PTPN14: variants seen among roughly 807,000 people sequenced by gnomAD.
PTPN14 encodes tyrosine-protein phosphatase non-receptor type 14.
PTPN14 carries 53 observed loss-of-function variants against 126.8 expected under a neutral mutation model. That is an observed-to-expected ratio of 0.42 (90% CI 0.34 to 0.53). The LOEUF (loss-of-function observed/expected upper bound fraction) is 0.53. Among genes scored for constraint, PTPN14 ranks in the 20% least tolerant of loss-of-function variants. PTPN14 has a pLI of 0.08. For missense variants in PTPN14, 1,257 were observed against 1,552.9 expected, an observed-to-expected ratio of 0.81 and a Z score of 3.20; for synonymous variants, 630 against 599.3, an observed-to-expected ratio of 1.05 and a Z score of -0.75.
At position 214,384,892 on chromosome 1, in the gene PTPN14, A is replaced by T; in HGVS notation, c.1067-104T>A. ...GACTTTTAATTTAAACAAATCATAA[A>T]AAGTGAAATCCCATGGTCTCCACCC... is the stretch of plus-strand genomic sequence containing the variant. On this transcript the variant is annotated intron_variant, in intron 12 of 18. Transcript: ENST00000366956. This position sits in a 1 kb window ranked among gnomAD's most constrained non-coding sequence, Gnocchi z 5.3. 7.3e-7 allele frequency: 1 copy of T among 1,365,652 alleles called. No homozygotes were observed. Among genetic ancestry groups the T allele is most frequent in the South Asian group, 1.4e-5 (1 of 70,824 alleles). The allele number at this position is 1,365,652 out of a possible 1,614,324, so 84.6% of individuals were successfully genotyped here. A position where few individuals can be genotyped will look rare whatever the true frequency, so the allele number is the denominator to read the frequency against.
chr1:214,393,664 T>A, intron 10 of PTPN14, 31 bp downstream of exon 10: 7 of 1,397,584 alleles, frequency 5.0e-6, no homozygotes, highest in Non-Finnish European at 6.8e-6. Context: ...GACAAAGCCA[T>A]CAAGTCGGGG....
chr1:214,377,848 G>A, intron 14 of PTPN14, 111 bp downstream of exon 14: 17 of 1,299,662 alleles, frequency 1.3e-5, no homozygotes, highest in Non-Finnish European at 1.8e-5. Flanking sequence ...ATCTCAGATT[G>A]AAGAAAGAAT....
intron 1 of PTPN14, among the ~76,000 whole-genome samples, chr1:214,487,633 CAAA>C (rs11292597): frequency 2.2e-5 from 3 of 137,412 alleles, no homozygotes; most frequent in Non-Finnish European, 1.6e-5. Context: ...GACTCCGTCT[CAAA>C]AAAAAAAAAA....
At chr1:214,549,619 C>T (rs1026088477) in intron 1 of PTPN14, among the ~76,000 whole-genome samples, 2 of 152,150 alleles carry the variant, frequency 1.3e-5, no homozygotes, top group Admixed American at 6.5e-5. Flanking sequence ...CGTAATGCTG[C>T]GGTATTACCA....
At chr1:214,395,820 C>A (rs536830551) in intron 8 of PTPN14, among the ~76,000 whole-genome samples, 1 of 152,060 alleles carries the variant, frequency 6.6e-6, no homozygotes, top group Non-Finnish European at 1.5e-5. Flanking sequence ...TCATATGATG[C>A]GTCTGCTCAT....
chr1:214,359,109 C>A (rs1398413134), intron 18 of PTPN14, among the ~76,000 whole-genome samples: 1 of 152,010 alleles, frequency 6.6e-6, no homozygotes, highest in African/African-American at 2.4e-5. Flanking sequence ...GGACTGTGGT[C>A]ATGATCAAGT....
intron 17 of PTPN14, among the ~76,000 whole-genome samples, chr1:214,368,968 C>A (rs3002312): frequency 6.6e-6 from 1 of 152,028 alleles, no homozygotes; most frequent in Non-Finnish European, 1.5e-5. Context: ...GGTGACAGAG[C>A]GAGACTCCGC....
At chr1:214,499,229 T>C (rs1055450131) in intron 1 of PTPN14, among the ~76,000 whole-genome samples, 1 of 152,106 alleles carries the variant, frequency 6.6e-6, no homozygotes, top group African/African-American at 2.4e-5. Context: ...ACAGAGAGGT[T>C]ATGTGGACAG....
intron 5 of PTPN14, among the ~76,000 whole-genome samples, chr1:214,405,940 C>T (rs552098089): frequency 6.8e-4 from 103 of 152,106 alleles, no homozygotes; most frequent in Non-Finnish European, 1.4e-3. Context: ...GGTCACAGCA[C>T]TGCCTAGCAA....
intron 1 of PTPN14, among the ~76,000 whole-genome samples, chr1:214,505,754 G>A (rs188450553): frequency 1.3e-5 from 2 of 152,244 alleles, no homozygotes; most frequent in South Asian, 2.1e-4. Context: ...AAAATTAGCC[G>A]AGGTGGTGGC....
intron 1 of PTPN14, among the ~76,000 whole-genome samples, chr1:214,550,364 G>A (rs1656077178): frequency 6.6e-6 from 1 of 152,184 alleles, no homozygotes; most frequent in South Asian, 2.1e-4. Flanking sequence ...CTAGACTTAA[G>A]CGGAAACCCC....
At chr1:214,446,132 G>A (rs544454972) in intron 3 of PTPN14, among the ~76,000 whole-genome samples, 13 of 152,200 alleles carry the variant, frequency 8.5e-5, no homozygotes, top group Non-Finnish European at 1.6e-4. Context: ...TACAGTTTGG[G>A]GTTAACAAAC....
chr1:214,442,253 T>C (rs534361264), intron 3 of PTPN14, among the ~76,000 whole-genome samples: 9 of 152,340 alleles, frequency 5.9e-5, no homozygotes, highest in African/African-American at 1.9e-4. Flanking sequence ...ATATTTGCTA[T>C]ACTTACCCAG....
intron 3 of PTPN14, among the ~76,000 whole-genome samples, chr1:214,415,189 T>TA (rs1452005243): frequency 6.6e-6 from 1 of 152,042 alleles, no homozygotes; most frequent in Non-Finnish European, 1.5e-5. Flanking sequence ...GTAATTCCAC[T>TA]AAAAAATCAA....
At chr1:214,377,378 T>A (rs547151656) in intron 14 of PTPN14, among the ~76,000 whole-genome samples, 1 of 151,658 alleles carries the variant, frequency 6.6e-6, no homozygotes, top group Admixed American at 6.6e-5. Flanking sequence ...TACCTGAGGG[T>A]GGAGGGTGGA....
intron 15 of PTPN14, among the ~76,000 whole-genome samples, chr1:214,375,845 T>C (rs931133941): frequency 7.9e-5 from 12 of 152,214 alleles, no homozygotes; most frequent in African/African-American, 2.7e-4. Context: ...ACATGACACT[T>C]TTATGTCAGT....
At chr1:214,367,218 T>C (rs1337176519) in intron 17 of PTPN14, among the ~76,000 whole-genome samples, 3 of 152,068 alleles carry the variant, frequency 2.0e-5, no homozygotes, top group Non-Finnish European at 4.4e-5. Flanking sequence ...ATGAGCACTG[T>C]TAGGAGGAAA....
rs370924107 is a variant in PTPN14, at chr1:214,410,335, G to T, written c.510+1349C>A. ...TTTTGAGACAAAGTCTTGCTTTGTG[G>T]CCAGGCTGGAGTGCAGTGGCACAAT... On this transcript the variant is annotated intron_variant, in intron 5 of 18. Transcript: ENST00000366956. Among the ~76,000 whole-genome samples the T allele has an allele frequency of 8.5e-4, 128 of 149,962 alleles. 3 individuals are homozygous for T. The South Asian group carries it at 0.026, about 30-fold the overall frequency.
intron 5 of PTPN14, among the ~76,000 whole-genome samples, chr1:214,403,762 T>G (rs954958532): frequency 6.6e-6 from 1 of 152,204 alleles, no homozygotes; most frequent in African/African-American, 2.4e-5. Flanking sequence ...AGCAATGCAT[T>G]CTTGAGAAAT....
Sources: allele counts gnomAD v4.1 joint callset (sites outside exome capture counted in the v4.1 genomes callset), GRCh38; gene constraint gnomAD v4.1.1; non-coding constraint Gnocchi (gnomAD v3.1); transcripts MANE v1.5; gene names NCBI Gene and HGNC (gene_info 2026-07-23, HGNC 2026-07-21).